IGDCC3: variants seen among roughly 807,000 people sequenced by gnomAD.
IGDCC3 encodes the protein putative neuronal cell adhesion molecule.
Under a neutral mutation model 72.0 loss-of-function variants are expected in IGDCC3, and 47 were observed. The ratio of observed to expected loss-of-function variants is 0.65; its 90% CI spans 0.52 to 0.83. IGDCC3 has a LOEUF of 0.83. Among genes scored for constraint, IGDCC3 ranks in the 40% least tolerant of loss-of-function variants. The pLI is 0.00. For synonymous variants in IGDCC3, 477 were observed against 472.8 expected, an observed-to-expected ratio of 1.01 and a Z score of -0.11; for missense variants, 1,038 against 1,091.3, an observed-to-expected ratio of 0.95 and a Z score of 0.69.
In IGDCC3 at chr15:65,331,524, G is replaced by GCGGGGAGGCC; in HGVS notation, c.1274_1283dup (p.Asn429AlafsTer14). ...AAGACACAGAGACTGCCCGCACATT[G>GCGGGGAGGCC]CGGGGAGGCCCGGGGAGCCCCTCAG... On this transcript the variant is annotated frameshift_variant, in exon 8 of 14. Coordinates refer to ENST00000327987, the MANE Select transcript of IGDCC3 (RefSeq NM_004884.4). LOFTEE classifies it high-confidence loss of function. The GCGGGGAGGCC allele has an allele frequency of 6.2e-7, 1 of 1,613,858 alleles. No individual in the cohort carries two copies. The highest frequency in any genetic ancestry group is 8.5e-7 in the Non-Finnish European group (1 of 1,179,994).
chr15:65,348,702 G>C (rs917358346), intron 2 of IGDCC3, among the ~76,000 whole-genome samples: 1 of 152,190 alleles, frequency 6.6e-6, no homozygotes. Flanking sequence ...CGACTTAGGA[G>C]GGTTAGAGTC....
At chr15:65,364,742 G>A (rs1429205017) in intron 2 of IGDCC3, among the ~76,000 whole-genome samples, 2 of 152,100 alleles carry the variant, frequency 1.3e-5, no homozygotes, top group Non-Finnish European at 2.9e-5. Context: ...TTAGCCCGGC[G>A]TGGTATTGTG....
In IGDCC3 at chr15:65,330,758, A is replaced by G. The variant is rs951200285; in HGVS notation, c.1562-17T>C. 7.6e-6 allele frequency: 12 copies of G among 1,578,744 alleles called. No homozygotes were observed. The highest frequency in any genetic ancestry group is 1.0e-5 in the Non-Finnish European group (12 of 1,158,764). On this transcript the variant is annotated splice_polypyrimidine_tract_variant and intron_variant, in intron 9 of 13. Transcript: ENST00000327987. The stretch of plus-strand genomic sequence containing the variant: ...GGGCAGGGGCTGCAGGTAGAGAAGG[A>G]GGCCACGATGTGAGGACCCAGTGGA...
chr15:65,335,141 C>T (rs2091015651), intron 4 of IGDCC3, 150 bp downstream of exon 4: 2 of 881,096 alleles, frequency 2.3e-6, no homozygotes, highest in Non-Finnish European at 3.4e-6. Context: ...GATTCCTGTG[C>T]ACCCTCACGC....
At chr15:65,363,189 G>T (rs928137059) in intron 2 of IGDCC3, among the ~76,000 whole-genome samples, 1 of 152,146 alleles carries the variant, frequency 6.6e-6, no homozygotes, top group Non-Finnish European at 1.5e-5. Context: ...GGTTGTCTTT[G>T]ATTTCGCCCC....
Position 65,329,158 on chromosome 15 carries a change from G to C in IGDCC3, c.2206-10C>G. 6.3e-7 allele frequency: 1 copy of C among 1,599,860 alleles called. No homozygotes were observed. Among genetic ancestry groups the C allele is most frequent in the Non-Finnish European group, 8.5e-7 (1 of 1,174,200 alleles). Reference sequence around the variant, plus strand: ...GGGCTGCAGGATCCTGCTGGGGAAAGAGCCCGTCACACAGGCGTCAGCTTG... The same window carrying C: ...GGGCTGCAGGATCCTGCTGGGGAAACAGCCCGTCACACAGGCGTCAGCTTG... On this transcript the variant is annotated splice_polypyrimidine_tract_variant and intron_variant, in intron 13 of 13. Transcript: ENST00000327987. The surrounding 1 kb of genome is among the most constrained non-coding windows in gnomAD (Gnocchi z 4.1).
intron 2 of IGDCC3, among the ~76,000 whole-genome samples, chr15:65,345,267 T>A (rs916029395): frequency 2.0e-5 from 3 of 151,940 alleles, no homozygotes; most frequent in Non-Finnish European, 2.9e-5. Context: ...AATAGAAGGA[T>A]GATGGCCAGG....
chr15:65,329,358 G>A lies in IGDCC3; in HGVS notation c.2205+32C>T. The stretch of plus-strand genomic sequence containing the variant: ...GGAAGGTGGCAGTGTCAGAGCCTGA[G>A]GCGGGGGTTTGTTTAAGACATGGGC... On this transcript the variant is annotated intron_variant, in intron 13 of 13. Transcript: ENST00000327987. The surrounding 1 kb of genome is among the most constrained non-coding windows in gnomAD (Gnocchi z 4.1). The A allele has an allele frequency of 1.3e-6, 2 of 1,566,680 alleles. No homozygotes were observed. The highest frequency in any genetic ancestry group is 8.6e-7 in the Non-Finnish European group (1 of 1,159,070).
chr15:65,365,363 C>T (rs750898424), intron 2 of IGDCC3, among the ~76,000 whole-genome samples: 1 of 152,166 alleles, frequency 6.6e-6, no homozygotes. Flanking sequence ...CCCACCCTCA[C>T]ATTCCAATGG....
chr15:65,367,830 A>G (rs1233281361), intron 2 of IGDCC3, among the ~76,000 whole-genome samples: 1 of 152,102 alleles, frequency 6.6e-6, no homozygotes, highest in Non-Finnish European at 1.5e-5. Flanking sequence ...GAGCCCTTTG[A>G]GGAGAGATGG....
chr15:65,330,602 G>T lies in IGDCC3; in HGVS notation c.1701C>A (p.Thr567=). 1.2e-6 allele frequency: 2 copies of T among 1,613,752 alleles called. No individual in the cohort carries two copies. Among genetic ancestry groups the T allele is most frequent in the Non-Finnish European group, 1.7e-6 (2 of 1,180,006 alleles). The part of the protein sequence containing the change: ...FYRPASKTSF[T]GPILLPGTVS... The stretch of plus-strand genomic sequence containing the variant: ...CGGTTCCAGGCAGCAGGATGGGGCC[G>T]GTGAAGGAGGTCTTGCTTGCTGGGC... The change falls in exon 10 of 14, where the codon ACC becomes ACA. Residue 567 remains threonine (T), a synonymous_variant. Coordinates refer to ENST00000327987, the MANE Select transcript of IGDCC3 (RefSeq NM_004884.4).
chr15:65,358,933 C>T (rs1373193351), intron 2 of IGDCC3, among the ~76,000 whole-genome samples: 2 of 152,194 alleles, frequency 1.3e-5, no homozygotes, highest in African/African-American at 4.8e-5. Flanking sequence ...TCAAACAATT[C>T]TTGTGCCTCA....
In IGDCC3 at chr15:65,335,816, CATT is replaced by C; in HGVS notation, c.547_549del (p.Asn183del). ...TCTTTCCCACACGTGGCTCACCTCT[CATT>C]GTCCGTGTCAATTGGGACTCTGTTC... On this transcript the variant is annotated inframe_deletion, in exon 3 of 14. Coordinates refer to ENST00000327987, the MANE Select transcript of IGDCC3 (RefSeq NM_004884.4). The C allele has an allele frequency of 6.2e-7, 1 of 1,614,178 alleles. No individual in the cohort carries two copies. The highest frequency in any genetic ancestry group is 8.5e-7 in the Non-Finnish European group (1 of 1,180,022).
chr15:65,367,547 A>G (rs2091295379), intron 2 of IGDCC3, among the ~76,000 whole-genome samples: 1 of 151,770 alleles, frequency 6.6e-6, no homozygotes, highest in African/African-American at 2.4e-5. Context: ...AATAAAATAA[A>G]ATAAAAAGGA....
At chr15:65,335,459 C>G in intron 3 of IGDCC3, 38 bp from the exon 4 acceptor site, 1 of 1,580,712 alleles carries the variant, frequency 6.3e-7, no homozygotes, top group Non-Finnish European at 8.6e-7. Flanking sequence ...ACCAGCACAG[C>G]CATTGACATA....
chr15:65,349,011 G>A (rs1489917825), intron 2 of IGDCC3, among the ~76,000 whole-genome samples: 1 of 152,198 alleles, frequency 6.6e-6, no homozygotes, highest in East Asian at 1.9e-4. Flanking sequence ...TCTTTCTCTG[G>A]CCTCCCTGAT....
At chr15:65,355,655 G>GGCCCCCCCCCCCCCCCCCC in intron 2 of IGDCC3, 1 of 257,662 alleles carries the variant, frequency 3.9e-6, no homozygotes, top group Non-Finnish European at 8.1e-6. Context: ...CGACGCGGGC[G>GGCCCCCCCCCCCCCCCCCC]TCCCGCCCCC....
At chr15:65,361,311 G>A (rs2585029) in intron 2 of IGDCC3, among the ~76,000 whole-genome samples, 66,376 of 150,652 alleles carry the variant, frequency 0.44, 15,149 homozygotes, top group African/African-American at 0.56. Flanking sequence ...GTGTGGTGGT[G>A]CAGGCCTGTA....
intron 2 of IGDCC3, among the ~76,000 whole-genome samples, chr15:65,370,600 ATGTG>A (rs1245782813): frequency 2.0e-5 from 2 of 102,420 alleles, no homozygotes; most frequent in Non-Finnish European, 3.8e-5. Flanking sequence ...ATATATATGT[ATGTG>A]TATATATATG....
Sources: allele counts gnomAD v4.1 joint callset (sites outside exome capture counted in the v4.1 genomes callset), GRCh38; gene constraint gnomAD v4.1.1; non-coding constraint Gnocchi (gnomAD v3.1); transcripts MANE v1.5; gene names NCBI Gene and HGNC (gene_info 2026-07-23, HGNC 2026-07-21).